Variants in DPYD observed in about 807,000 individuals in gnomAD.
The protein encoded by DPYD is dihydropyrimidine dehydrogenase.
Under a neutral mutation model 116.2 loss-of-function variants are expected in DPYD, and 109 were observed. The ratio of observed to expected loss-of-function variants is 0.94; its 90% CI spans 0.80 to 1.10. DPYD has a LOEUF of 1.10. Among genes scored for constraint, DPYD ranks in the 50% least tolerant of loss-of-function variants. DPYD has a pLI of 0.00. For missense variants in DPYD, 1,302 were observed against 1,254.5 expected (o/e 1.04, Z -0.57); for synonymous variants, 440 against 432.0 (o/e 1.02, Z -0.23).
intron 8 of DPYD, among the ~76,000 whole-genome samples, chr1:97,678,218 G>A (rs1319578134): frequency 6.6e-6 from 1 of 152,076 alleles, no homozygotes; most frequent in African/African-American, 2.4e-5. Context: ...AATAGAGTTT[G>A]CACTCCTATG....
At chr1:97,625,235 T>C (rs528648355) in intron 8 of DPYD, among the ~76,000 whole-genome samples, 23 of 152,208 alleles carry the variant, frequency 1.5e-4, no homozygotes, top group African/African-American at 3.4e-4. Flanking sequence ...TATACAATTA[T>C]AACTGTCAAT....
chr1:97,492,174 A>G (rs1679010656), intron 13 of DPYD, among the ~76,000 whole-genome samples: 1 of 152,224 alleles, frequency 6.6e-6, no homozygotes, highest in Admixed American at 6.5e-5. Flanking sequence ...TTTGTACTCC[A>G]AGCCCTCATT....
chr1:97,428,193 T>C (rs771682567), intron 14 of DPYD, among the ~76,000 whole-genome samples: 1 of 152,084 alleles, frequency 6.6e-6, no homozygotes, highest in African/African-American at 2.4e-5. Context: ...AGATGAGCTA[T>C]GACTTGCCCA....
In DPYD at chr1:97,078,802, C is replaced by G; in HGVS notation, c.*174G>C. On this transcript the variant is annotated 3_prime_UTR_variant, in exon 23 of 23. Coordinates refer to ENST00000370192, the MANE Select transcript of DPYD (RefSeq NM_000110.4). Reference sequence around the variant, plus strand: ...ATTTTATGACCACTAATTGAATGGTCATTGACATGAGACATTTTTTACACT... The same window carrying G: ...ATTTTATGACCACTAATTGAATGGTGATTGACATGAGACATTTTTTACACT... 1 of 719,874 alleles carries G rather than the reference C, an allele frequency of 1.4e-6. No individual in the cohort carries two copies. The allele number at this position is 719,874 out of a possible 1,614,324, so 44.6% of individuals were successfully genotyped here.
intron 6 of DPYD, among the ~76,000 whole-genome samples, chr1:97,695,062 C>A (rs1159459022): frequency 6.6e-6 from 1 of 152,138 alleles, no homozygotes; most frequent in Non-Finnish European, 1.5e-5. Flanking sequence ...CATTCCAATT[C>A]CCCATAGGCG....
intron 21 of DPYD, 93 bp from the exon 22 acceptor site, chr1:97,082,563 A>G (rs1649232801): frequency 7.0e-7 from 1 of 1,426,808 alleles, no homozygotes; most frequent in South Asian, 1.2e-5. Flanking sequence ...TTTTTATACA[A>G]TGTTGCATTA....
At chr1:97,471,451 C>A (rs552458254) in intron 13 of DPYD, among the ~76,000 whole-genome samples, 1 of 152,066 alleles carries the variant, frequency 6.6e-6, no homozygotes, top group African/African-American at 2.4e-5. Context: ...AAAACTGCAA[C>A]CACACAACTA....
chr1:97,177,372 A>C (rs528698017), intron 20 of DPYD, among the ~76,000 whole-genome samples: 1 of 152,294 alleles, frequency 6.6e-6, no homozygotes, highest in Middle Eastern at 3.4e-3. Context: ...TACTGGATTG[A>C]GTGATCAGTA....
chr1:97,098,696 T>C (rs943930002), intron 20 of DPYD, 64 bp from the exon 21 acceptor site: 4 of 1,551,862 alleles, frequency 2.6e-6, no homozygotes, highest in African/African-American at 1.4e-5. Flanking sequence ...TGGGAAGATA[T>C]AAACATATAA....
At position 97,691,726 on chromosome 1, in the gene DPYD, A is replaced by G; in HGVS notation, c.753T>C (p.Leu251=). Residue 251 remains leucine (L), a synonymous_variant, in exon 7 of 23, where the codon CTT becomes CTC. Transcript: ENST00000370192. ...VNFEIELMKD[L]GVKIICGKSL... ...TGTTTTTTTCATTTACCTTTACACC[A>G]AGGTCCTTCATTAGCTCAATCTCAA... 1 of 1,613,546 alleles carries G rather than the reference A, an allele frequency of 6.2e-7. No homozygotes were observed. Among genetic ancestry groups the G allele is most frequent in the Non-Finnish European group, 8.5e-7 (1 of 1,179,634 alleles).
chr1:97,780,667 G>C (rs560843179), intron 3 of DPYD, among the ~76,000 whole-genome samples: 1 of 152,280 alleles, frequency 6.6e-6, no homozygotes, highest in South Asian at 2.1e-4. Flanking sequence ...TACCAAGCAA[G>C]TAGTACTCTA....
intron 18 of DPYD, among the ~76,000 whole-genome samples, chr1:97,291,159 A>T (rs943171172): frequency 2.0e-5 from 3 of 151,958 alleles, no homozygotes; most frequent in African/African-American, 4.8e-5. Context: ...ACCAGTTAGA[A>T]TGGCAATCAT....
At chr1:97,920,818 G>A (rs540799552) in intron 1 of DPYD, 66 bp downstream of exon 1, 2 of 1,550,774 alleles carry the variant, frequency 1.3e-6, no homozygotes, top group African/African-American at 1.4e-5. Flanking sequence ...GGGCCTCCCC[G>A]GCACCTACCC....
At chr1:97,614,795 T>G (rs1162604544) in intron 8 of DPYD, among the ~76,000 whole-genome samples, 1 of 152,152 alleles carries the variant, frequency 6.6e-6, no homozygotes, top group Non-Finnish European at 1.5e-5. Context: ...TTGTCTCATT[T>G]TAGCACTGAG....
intron 13 of DPYD, among the ~76,000 whole-genome samples, chr1:97,512,412 A>G (rs1459807156): frequency 6.6e-6 from 1 of 151,872 alleles, no homozygotes; most frequent in African/African-American, 2.4e-5. Flanking sequence ...AAGGGCTTAC[A>G]AGTGAAGTGA....
chr1:97,467,662 CA>C (rs1677409011), intron 13 of DPYD, among the ~76,000 whole-genome samples: 1 of 152,184 alleles, frequency 6.6e-6, no homozygotes, highest in Non-Finnish European at 1.5e-5. Flanking sequence ...GCCAGGTGAG[CA>C]GGCTTCTGAT....
At chr1:97,502,385 T>C (rs2101934414) in intron 13 of DPYD, among the ~76,000 whole-genome samples, 1 of 152,100 alleles carries the variant, frequency 6.6e-6, no homozygotes, top group Middle Eastern at 3.4e-3. Context: ...AGGCCACAGG[T>C]TGGAGGAATC....
At chr1:97,258,372 A>G (rs1459591567) in intron 18 of DPYD, among the ~76,000 whole-genome samples, 2 of 152,214 alleles carry the variant, frequency 1.3e-5, no homozygotes, top group African/African-American at 4.8e-5. Flanking sequence ...AGTACAGGCA[A>G]GTGAATAAAT....
intron 20 of DPYD, among the ~76,000 whole-genome samples, chr1:97,162,600 T>C (rs1247458607): frequency 6.6e-6 from 1 of 151,908 alleles, no homozygotes; most frequent in Non-Finnish European, 1.5e-5. Context: ...AAGCTACCAA[T>C]GACTTTCTTC....
Sources: allele counts gnomAD v4.1 joint callset (sites outside exome capture counted in the v4.1 genomes callset), GRCh38; gene constraint gnomAD v4.1.1; transcripts MANE v1.5; gene names NCBI Gene and HGNC (gene_info 2026-07-23, HGNC 2026-07-21).